The following MDGA2 variants were observed in gnomAD, a reference collection of about 807,000 sequenced individuals.
MDGA2 encodes the protein MAM domain containing glycosylphosphatidylinositol anchor 2.
MDGA2 carries 40 observed loss-of-function variants against 117.8 expected under a neutral mutation model. That is an observed-to-expected ratio of 0.34 (90% confidence interval 0.26 to 0.44). MDGA2 has a LOEUF of 0.44. Ranked by LOEUF, MDGA2 falls within the 20% of genes least tolerant of loss-of-function variation. MDGA2 has a pLI of 1.00. For synonymous variants in MDGA2, 452 were observed against 439.0 expected (o/e 1.03, Z -0.37); for missense variants, 1,123 against 1,250.6 (o/e 0.90, Z 1.54).
intron 2 of MDGA2, among the ~76,000 whole-genome samples, chr14:47,242,112 GCTA>G (rs919531425): frequency 1.3e-5 from 2 of 151,858 alleles, no homozygotes; most frequent in African/African-American, 2.4e-5. Flanking sequence ...TATGAAGATT[GCTA>G]CTATTTCATT....
At chr14:47,267,192 C>A (rs1159501914) in intron 2 of MDGA2, among the ~76,000 whole-genome samples, 3 of 151,994 alleles carry the variant, frequency 2.0e-5, no homozygotes, top group Non-Finnish European at 4.4e-5. Flanking sequence ...ATTTTGACCT[C>A]TCCACTTTGA....
intron 8 of MDGA2, among the ~76,000 whole-genome samples, chr14:47,017,377 C>A (rs1054129930): frequency 6.6e-6 from 1 of 150,738 alleles, no homozygotes; most frequent in Non-Finnish European, 1.5e-5. Context: ...ATAAAATATT[C>A]CACTGAATGA....
chr14:47,546,914 A>T (rs1334020795), intron 1 of MDGA2, among the ~76,000 whole-genome samples: 2 of 152,218 alleles, frequency 1.3e-5, no homozygotes, highest in Non-Finnish European at 2.9e-5. Flanking sequence ...TTAGGCACAC[A>T]GTAAATGGAA....
chr14:47,533,738 T>C (rs1212025085), intron 1 of MDGA2, among the ~76,000 whole-genome samples: 1 of 152,250 alleles, frequency 6.6e-6, no homozygotes, highest in Non-Finnish European at 1.5e-5. Context: ...TGTGTGTCTT[T>C]AGTAGACTGG....
intron 9 of MDGA2, among the ~76,000 whole-genome samples, chr14:46,951,609 G>A (rs1330346208): frequency 1.3e-5 from 2 of 151,900 alleles, no homozygotes; most frequent in Non-Finnish European, 2.9e-5. Context: ...ATATTCTAGG[G>A]TCTCAGGGTA....
At chr14:47,583,323 A>C (rs541489600) in intron 1 of MDGA2, among the ~76,000 whole-genome samples, 12 of 151,994 alleles carry the variant, frequency 7.9e-5, no homozygotes, top group Non-Finnish European at 1.5e-4. Flanking sequence ...GAATGACAAG[A>C]AGCAGCTAGC....
At chr14:47,173,011 C>G (rs554369032) in intron 3 of MDGA2, among the ~76,000 whole-genome samples, 3 of 152,026 alleles carry the variant, frequency 2.0e-5, no homozygotes, top group South Asian at 2.1e-4. Context: ...TGCAGAAGCC[C>G]CAGGAGCCGA....
chr14:47,218,046 T>C lies in MDGA2; in HGVS notation c.570A>G (p.Ile190Met), dbSNP rs1169911866. The C allele has an allele frequency of 6.4e-7, 1 of 1,550,476 alleles. No homozygotes were observed. The highest frequency in any genetic ancestry group is 1.2e-5 in the South Asian group (1 of 83,938). ...KAENGLGSPA[I>M]KSIRVDVYYL... ...AGTATACATCCACTCTGATTGACTT[T>C]ATCGCTGGAGACCCCAAGCCATTCT... The change falls in exon 3 of 17, where the codon ATA (isoleucine) becomes ATG (methionine). Residue 190 changes from isoleucine (I) to methionine (M), a missense_variant. Transcript: ENST00000399232.
chr14:47,200,773 C>G lies in MDGA2; in HGVS notation c.595+17248G>C, dbSNP rs954197887. On this transcript the variant is annotated intron_variant, in intron 3 of 16. Transcript: ENST00000399232. ...AGCCAACCTCGTGAGCCAGGCGCCC[C>G]AGTTAGGCAAACTTTCTTGCAGGCT... 1.9e-5 allele frequency: 16 copies of G among 837,690 alleles called. No homozygotes were observed. In the African/African-American group the frequency reaches 2.7e-4, roughly 14 times the overall value. The allele number at this position is 837,690 out of a possible 1,614,324, so 51.9% of individuals were successfully genotyped here.
rs576189994 is a variant in MDGA2, at chr14:47,329,038, T to C, written c.281-27488A>G. ...TAAATACCATATATGTGAAAGCACA[T>C]AAAGCTAATTCATATTTTAAAACAA... is the stretch of plus-strand genomic sequence containing the variant. On this transcript the variant is annotated intron_variant, in intron 1 of 16. Transcript: ENST00000399232. 6.6e-5 allele frequency among the ~76,000 whole-genome samples: 10 copies of C among 152,254 alleles called. No homozygotes were observed. In the South Asian group the frequency reaches 1.9e-3, roughly 28 times the overall value.
chr14:47,653,604 T>A (rs1478133315), intron 1 of MDGA2, among the ~76,000 whole-genome samples: 24 of 152,090 alleles, frequency 1.6e-4, no homozygotes, highest in Admixed American at 1.6e-3. Flanking sequence ...TCCCGGAAAC[T>A]GTGAATATGT....
At chr14:47,367,844 A>T (rs1314432527) in intron 1 of MDGA2, among the ~76,000 whole-genome samples, 1 of 152,232 alleles carries the variant, frequency 6.6e-6, no homozygotes, top group East Asian at 1.9e-4. Context: ...ATTATCTATT[A>T]CTAAAGCGAT....
At chr14:47,245,276 C>A (rs1280386402) in intron 2 of MDGA2, among the ~76,000 whole-genome samples, 1 of 151,830 alleles carries the variant, frequency 6.6e-6, no homozygotes, top group East Asian at 1.9e-4. Context: ...AGATCCTCCC[C>A]TCTTGGCCTT....
intron 8 of MDGA2, among the ~76,000 whole-genome samples, chr14:46,967,380 A>G (rs1316196283): frequency 6.6e-6 from 1 of 152,214 alleles, no homozygotes; most frequent in African/African-American, 2.4e-5. Context: ...TGTTGGGATT[A>G]AAGTCATTTA....
intron 2 of MDGA2, among the ~76,000 whole-genome samples, chr14:47,219,848 T>C (rs944070630): frequency 6.6e-5 from 10 of 152,140 alleles, no homozygotes; most frequent in African/African-American, 2.2e-4. Flanking sequence ...GTGTACATAT[T>C]ACTAAATGTT....
At chr14:47,148,520 G>C (rs530103396) in intron 3 of MDGA2, among the ~76,000 whole-genome samples, 4 of 152,248 alleles carry the variant, frequency 2.6e-5, no homozygotes, top group African/African-American at 7.2e-5. Context: ...AGTTGATGTA[G>C]TACGTATGAC....
In MDGA2 at chr14:47,354,422, C is replaced by T. The variant is rs562398640; in HGVS notation, c.281-52872G>A. Among the ~76,000 whole-genome samples the T allele has an allele frequency of 3.3e-5, 5 of 152,246 alleles. No homozygotes were observed. The South Asian group carries it at 8.3e-4, about 25-fold the overall frequency. ...CAAAAAACAGTCAGATCCAGAGATG[C>T]CTGATTTGGAGATAAACTTTGGCAA... On this transcript the variant is annotated intron_variant, in intron 1 of 16. Transcript: ENST00000399232.
At chr14:47,366,162 G>A (rs1416612287) in intron 1 of MDGA2, among the ~76,000 whole-genome samples, 1 of 152,114 alleles carries the variant, frequency 6.6e-6, no homozygotes. Context: ...CTTTCACATA[G>A]CTCAAACTTC....
At chr14:47,297,572 C>T (rs12895147) in intron 2 of MDGA2, among the ~76,000 whole-genome samples, 2 of 151,918 alleles carry the variant, frequency 1.3e-5, no homozygotes, top group Admixed American at 6.6e-5. Context: ...TAGCTGAATC[C>T]TGAAGCTGTA....
Sources: gnomAD v4.1 joint callset for allele counts (sites outside exome capture counted in the v4.1 genomes callset) on GRCh38, gnomAD v4.1.1 for gene constraint, MANE v1.5 for transcripts, NCBI Gene and HGNC (gene_info 2026-07-23, HGNC 2026-07-21) for gene names.